The following TRIB1 variants were observed in gnomAD, a reference collection of about 807,000 sequenced individuals.
The protein encoded by TRIB1 is tribbles pseudokinase 1.
In TRIB1, 12 loss-of-function variants were observed where a neutral mutation model predicts 27.8. The observed-to-expected ratio is 0.43, with a 90% CI of 0.28 to 0.70. The LOEUF (loss-of-function observed/expected upper bound fraction) is 0.70. Among genes scored for constraint, TRIB1 ranks in the 30% least tolerant of loss-of-function variants. The pLI is 0.18. For synonymous variants in TRIB1, 230 were observed against 224.9 expected, an observed-to-expected ratio of 1.02 and a Z score of -0.20; for missense variants, 475 against 515.8, an observed-to-expected ratio of 0.92 and a Z score of 0.77.
Position 125,430,891 on chromosome 8 carries a change from G to A in TRIB1, c.-12G>A, listed in dbSNP as rs1417720848. On this transcript the variant is annotated 5_prime_UTR_variant, in exon 1 of 3. Transcript: ENST00000311922. ...GACTTAAAAAGCCGGGGCCACCCCG[G>A]CCCAGGACGGGATGCGGGTCGGTCC... 7.1e-7 allele frequency: 1 copy of A among 1,416,648 alleles called. No homozygotes were observed. 87.8% of individuals were successfully genotyped at this position (1,416,648 alleles called of 1,614,324 possible). A position where few individuals can be genotyped will look rare whatever the true frequency, so the allele number is the denominator to read the frequency against.
Position 125,436,570 on chromosome 8 carries a change from G to A in TRIB1, c.*99G>A. ...GCGTGGTACCAACCAGATAATGACTGCATCAGGATGAAAGCTGCTGAACTC... is the reference window on the plus strand; with the variant it reads ...GCGTGGTACCAACCAGATAATGACTACATCAGGATGAAAGCTGCTGAACTC... On this transcript the variant is annotated 3_prime_UTR_variant, in exon 3 of 3. Coordinates refer to ENST00000311922, the MANE Select transcript of TRIB1 (RefSeq NM_025195.4). 1 of 1,162,992 alleles carries A rather than the reference G, an allele frequency of 8.6e-7. No individual in the cohort carries two copies. Among genetic ancestry groups the A allele is most frequent in the Non-Finnish European group, 1.2e-6 (1 of 819,656 alleles). The allele number at this position is 1,162,992 out of a possible 1,614,324, so 72.0% of individuals were successfully genotyped here.
Position 125,436,296 on chromosome 8 carries a change from T to C in TRIB1, c.944T>C (p.Ile315Thr). The C allele has an allele frequency of 6.2e-7, 1 of 1,614,000 alleles. No individual in the cohort carries two copies. The highest frequency in any genetic ancestry group is 8.5e-7 in the Non-Finnish European group (1 of 1,180,000). ...EHISPKARCL[I>T]RSLLRREPSE... ...ATTTCCCCCAAAGCCAGGTGCCTCA[T>C]TCGCAGCCTCTTGAGACGGGAGCCC... Residue 315 changes from isoleucine to threonine, a missense_variant, in exon 3 of 3, where the codon ATT (isoleucine) becomes ACT (threonine). Ile to Thr is a moderately conservative substitution (Grantham distance 89). Transcript: ENST00000311922.
chr8:125,437,645 T>C lies in TRIB1; in HGVS notation c.*1174T>C, dbSNP rs1446570473. 1 of 152,340 alleles carries C rather than the reference T, an allele frequency of 6.6e-6. No individual in the cohort carries two copies. The highest frequency in any genetic ancestry group is 1.5e-5 in the Non-Finnish European group (1 of 68,038). 9.4% of individuals were successfully genotyped at this position (152,340 alleles called of 1,614,324 possible). On this transcript the variant is annotated 3_prime_UTR_variant, in exon 3 of 3. Coordinates refer to ENST00000311922, the MANE Select transcript of TRIB1 (RefSeq NM_025195.4). Reference sequence around the variant, plus strand: ...AAATCTTCAAAGTTGGAAGGAACTTTAAAAATCATCCGGTCCAATCTCTTT... The same window carrying C: ...AAATCTTCAAAGTTGGAAGGAACTTCAAAAATCATCCGGTCCAATCTCTTT...
rs763427037 is a variant in TRIB1, at chr8:125,431,068, C to T, written c.166C>T (p.Pro56Ser). 7 of 1,433,248 alleles carry T rather than the reference C, an allele frequency of 4.9e-6. No individual in the cohort carries two copies. In the South Asian group the frequency reaches 8.4e-5, roughly 17 times the overall value. 88.8% of individuals were successfully genotyped at this position (1,433,248 alleles called of 1,614,324 possible). The change falls in exon 1 of 3, where the codon CCC (proline) becomes TCC (serine). Residue 56 changes from proline (P) to serine (S), a missense_variant. By Grantham distance (74) the Pro-to-Ser change is moderately conservative (BLOSUM62 -1). Transcript: ENST00000311922. Reference protein sequence around the residue: ...KCPRLSECSSPPDYLSPPGSP... With the variant: ...KCPRLSECSSSPDYLSPPGSP... ...CCCGCGCCTCTCCGAGTGCTCCAGCCCCCCGGACTACCTCAGCCCCCCCGG... is the reference window on the plus strand; with the variant it reads ...CCCGCGCCTCTCCGAGTGCTCCAGCTCCCCGGACTACCTCAGCCCCCCCGG...
intron 1 of TRIB1, chr8:125,432,330 T>A (rs1334953775): frequency 2.7e-6 from 2 of 738,042 alleles, no homozygotes; most frequent in Non-Finnish European, 3.3e-6. Flanking sequence ...AGCATGTATG[T>A]GTGTGTGGTG....
rs750835669 is a variant in TRIB1, at chr8:125,436,135, C to T, written c.783C>T (p.Ser261=). ...PEILNTTGTY[S]GKAADVWSLG... is the part of the protein sequence containing the mutation. ...TCCTCAACACCACTGGGACCTACTC[C>T]GGAAAGGCTGCGGACGTTTGGAGCC... Residue 261 remains serine, a synonymous_variant, in exon 3 of 3, where the codon TCC becomes TCT. Coordinates refer to ENST00000311922, the MANE Select transcript of TRIB1 (RefSeq NM_025195.4). 25 of 1,614,090 alleles carry T rather than the reference C, an allele frequency of 1.5e-5. No homozygotes were observed. Among genetic ancestry groups the T allele is most frequent in the South Asian group, 5.5e-5 (5 of 91,084 alleles).
chr8:125,436,645 A>G lies in TRIB1; in HGVS notation c.*174A>G. 1.5e-6 allele frequency: 1 copy of G among 665,118 alleles called. No homozygotes were observed. The highest frequency in any genetic ancestry group is 2.0e-5 in the South Asian group (1 of 51,224). The allele number at this position is 665,118 out of a possible 1,614,324, so 41.2% of individuals were successfully genotyped here. A position where few individuals can be genotyped will look rare whatever the true frequency, so the allele number is the denominator to read the frequency against. On this transcript the variant is annotated 3_prime_UTR_variant, in exon 3 of 3. Transcript: ENST00000311922. ...TGGGATGAGTGACTTTATTGATTTG[A>G]GCAGCATATGCTGTGATTGGCTGCC...
At chr8:125,435,803 A>C (rs548071730) in intron 2 of TRIB1, among the ~76,000 whole-genome samples, 2 of 152,334 alleles carry the variant, frequency 1.3e-5, no homozygotes, top group Non-Finnish European at 2.9e-5. Context: ...CTCTGCCGAT[A>C]CTTTGCAAAC....
chr8:125,436,170 T>C lies in TRIB1; in HGVS notation c.818T>C (p.Met273Thr). Reference sequence around the variant, plus strand: ...GCGGACGTTTGGAGCCTGGGGGTGATGCTCTACACCCTTCTGGTTGGACGA... The same window carrying C: ...GCGGACGTTTGGAGCCTGGGGGTGACGCTCTACACCCTTCTGGTTGGACGA... ...KAADVWSLGV[M>T]LYTLLVGRYP... is the part of the protein sequence containing the mutation. Residue 273 changes from methionine to threonine, a missense_variant, in exon 3 of 3, where the codon ATG (methionine) becomes ACG (threonine). Transcript: ENST00000311922. The C allele has an allele frequency of 6.2e-7, 1 of 1,613,832 alleles. No homozygotes were observed. The highest frequency in any genetic ancestry group is 8.5e-7 in the Non-Finnish European group (1 of 1,179,922).
rs115122318 is a variant in TRIB1 at position 125,430,641 on chromosome 8, C to A, written c.-262C>A. 7.6e-3 allele frequency: 2,893 copies of A among 379,874 alleles called. 45 individuals carry two copies. The highest frequency in any genetic ancestry group is 0.049 in the African/African-American group (2,326 of 47,694). 23.5% of individuals were successfully genotyped at this position (379,874 alleles called of 1,614,324 possible). A position where few individuals can be genotyped will look rare whatever the true frequency, so the allele number is the denominator to read the frequency against. ...ATAGTGGCGGCCGCCCCCAGCGAGG[C>A]TCCGGGAGCCCTTGCCTGCGGGGGT... On this transcript the variant is annotated 5_prime_UTR_variant, in exon 1 of 3. Coordinates refer to ENST00000311922, the MANE Select transcript of TRIB1 (RefSeq NM_025195.4).
chr8:125,435,996 T>C lies in TRIB1; in HGVS notation c.654-10T>C. The stretch of plus-strand genomic sequence containing the variant: ...TGTGGAAATAATGGCTTGGTTCCTC[T>C]CTCTTGCAGAACCCAGCTTAGACTA... On this transcript the variant is annotated splice_polypyrimidine_tract_variant and intron_variant, in intron 2 of 2. Coordinates refer to ENST00000311922, the MANE Select transcript of TRIB1 (RefSeq NM_025195.4). The C allele has an allele frequency of 1.2e-6, 2 of 1,604,728 alleles. No individual in the cohort carries two copies. The highest frequency in any genetic ancestry group is 1.7e-6 in the Non-Finnish European group (2 of 1,174,576).
rs770107901 is a variant in TRIB1, at chr8:125,436,188, T to C, written c.836T>C (p.Val279Ala). Reference protein sequence around the residue: ...SLGVMLYTLLVGRYPFHDSDP... With the variant: ...SLGVMLYTLLAGRYPFHDSDP... ...GGGGTGATGCTCTACACCCTTCTGG[T>C]TGGACGATACCCCTTCCATGACTCA... Residue 279 changes from valine to alanine, a missense_variant, in exon 3 of 3, where the codon GTT (valine) becomes GCT (alanine). Transcript: ENST00000311922. 3.7e-6 allele frequency: 6 copies of C among 1,614,160 alleles called. No homozygotes were observed. The highest frequency in any genetic ancestry group is 2.5e-6 in the Non-Finnish European group (3 of 1,180,022).
Position 125,433,363 on chromosome 8 carries a change from A to G in TRIB1, c.407A>G (p.Gln136Arg), listed in dbSNP as rs756257872. Residue 136 changes from glutamine (Q) to arginine (R), a missense_variant, in exon 2 of 3, where the codon CAG becomes CGG. Transcript: ENST00000311922. This position sits in a 1 kb window ranked among gnomAD's most constrained non-coding sequence, Gnocchi z 4.4. The stretch of plus-strand genomic sequence containing the variant: ...CAGGACAAAATCAGGCCTTACATCC[A>G]GCTGCCATCGCACAGCAACATTACT... ...HYQDKIRPYI[Q>R]LPSHSNITGI... 1.2e-6 allele frequency: 2 copies of G among 1,614,192 alleles called. No individual in the cohort carries two copies. Among genetic ancestry groups the G allele is most frequent in the Non-Finnish European group, 1.7e-6 (2 of 1,180,026 alleles).
At chr8:125,435,960 A>C (rs765158792) in intron 2 of TRIB1, 46 bp from the exon 3 acceptor site, 2 of 1,535,474 alleles carry the variant, frequency 1.3e-6, no homozygotes, top group South Asian at 1.2e-5. Context: ...TTTGTTTTTC[A>C]TAGCAGCTGG....
Position 125,431,129 on chromosome 8 carries a change from C to A in TRIB1, c.227C>A (p.Pro76Gln), listed in dbSNP as rs746665161. 2.7e-5 allele frequency: 35 copies of A among 1,316,944 alleles called. No individual in the cohort carries two copies. The highest frequency in any genetic ancestry group is 3.3e-5 in the Non-Finnish European group (34 of 1,041,070). 81.6% of individuals were successfully genotyped at this position (1,316,944 alleles called of 1,614,324 possible). ...AGCCCGCAGCCCCCGCCTGCCGCTCCGGGGGCCGGCGGAGGCTCCGGGAGC... is the reference window on the plus strand; with the variant it reads ...AGCCCGCAGCCCCCGCCTGCCGCTCAGGGGGCCGGCGGAGGCTCCGGGAGC... ...PCSPQPPPAA[P>Q]GAGGGSGSAP... Residue 76 changes from proline to glutamine, a missense_variant, in exon 1 of 3, where the codon CCG becomes CAG. By Grantham distance (76) the Pro-to-Gln change is moderately conservative. Transcript: ENST00000311922.
rs1203589421 is a variant in TRIB1, at chr8:125,437,546, G to T, written c.*1075G>T. ...GTACATCTGCAGTTTTGCATGGTGG[G>T]TTGTTAATATTTCAAATGTGTGGTT... On this transcript the variant is annotated 3_prime_UTR_variant, in exon 3 of 3. Coordinates refer to ENST00000311922, the MANE Select transcript of TRIB1 (RefSeq NM_025195.4). 6.6e-6 allele frequency: 1 copy of T among 152,360 alleles called. No homozygotes were observed. The highest frequency in any genetic ancestry group is 2.4e-5 in the African/African-American group (1 of 41,458). 9.4% of individuals were successfully genotyped at this position (152,360 alleles called of 1,614,324 possible).
rs1240987031 is a variant in TRIB1, at chr8:125,437,774, C to T, written c.*1303C>T. The T allele has an allele frequency of 6.6e-6, 1 of 152,556 alleles. No individual in the cohort carries two copies. The highest frequency in any genetic ancestry group is 2.4e-5 in the African/African-American group (1 of 41,432). 9.5% of individuals were successfully genotyped at this position (152,556 alleles called of 1,614,324 possible). ...TGTCCAGAGATGGAAACTCACTCCCCTACAAAAGATGGAGCTTAATGGAGA... is the reference window on the plus strand; with the variant it reads ...TGTCCAGAGATGGAAACTCACTCCCTTACAAAAGATGGAGCTTAATGGAGA... On this transcript the variant is annotated 3_prime_UTR_variant, in exon 3 of 3. Transcript: ENST00000311922.
chr8:125,430,662 G>A lies in TRIB1; in HGVS notation c.-241G>A. ...GAGGCTCCGGGAGCCCTTGCCTGCG[G>A]GGGTCCGGGGACTCGAGCCGGCCTC... On this transcript the variant is annotated 5_prime_UTR_variant, in exon 1 of 3. Coordinates refer to ENST00000311922, the MANE Select transcript of TRIB1 (RefSeq NM_025195.4). The A allele has an allele frequency of 2.5e-6, 1 of 405,332 alleles. No homozygotes were observed. 25.1% of individuals were successfully genotyped at this position (405,332 alleles called of 1,614,324 possible).
Position 125,430,949 on chromosome 8 carries a change from C to G in TRIB1, c.47C>G (p.Pro16Arg), listed in dbSNP as rs1180210350. 1.4e-5 allele frequency: 20 copies of G among 1,471,554 alleles called. No individual in the cohort carries two copies. The highest frequency in any genetic ancestry group is 1.6e-5 in the Non-Finnish European group (18 of 1,119,302). The allele number at this position is 1,471,554 out of a possible 1,614,324, so 91.2% of individuals were successfully genotyped here. ...TCTGCCATGAGCGGCGCCTCGCAGC[C>G]CCGCGGCCCGGCCCTGCTCTTCCCA... ...VRSAMSGASQ[P>R]RGPALLFPAT... Residue 16 changes from proline (P) to arginine (R), a missense_variant, in exon 1 of 3, where the codon CCC becomes CGC. Coordinates refer to ENST00000311922, the MANE Select transcript of TRIB1 (RefSeq NM_025195.4).
Sources: gnomAD v4.1 joint callset for allele counts (sites outside exome capture counted in the v4.1 genomes callset) on GRCh38, gnomAD v4.1.1 for gene constraint, Gnocchi (gnomAD v3.1) non-coding constraint, MANE v1.5 for transcripts, NCBI Gene and HGNC (gene_info 2026-07-23, HGNC 2026-07-21) for gene names.